PIP5K1B: variants seen among roughly 807,000 people sequenced by gnomAD.
PIP5K1B encodes phosphatidylinositol-4-phosphate 5-kinase type 1 beta, also known as phosphatidylinositol 4-phosphate 5-kinase type-1 beta.
In PIP5K1B, 42 loss-of-function variants were observed where a neutral mutation model predicts 67.0. The ratio of observed to expected loss-of-function variants is 0.63; its 90% CI spans 0.49 to 0.81. The LOEUF (loss-of-function observed/expected upper bound fraction) is 0.81. Ranked by LOEUF, PIP5K1B falls within the 30% of genes least tolerant of loss-of-function variation. PIP5K1B has a pLI of 0.00. For missense variants in PIP5K1B, 459 were observed against 646.3 expected (o/e 0.71, Z 3.14); for synonymous variants, 214 against 231.4 (o/e 0.92, Z 0.68).
intron 14 of PIP5K1B, among the ~76,000 whole-genome samples, chr9:68,979,577 G>A (rs1182150647): frequency 1.8e-5 from 2 of 112,656 alleles, no homozygotes; most frequent in Non-Finnish European, 3.9e-5. Flanking sequence ...AGGGAGAGGA[G>A]GCCCTCTTCT....
intron 4 of PIP5K1B, among the ~76,000 whole-genome samples, chr9:68,860,100 G>A (rs1362926586): frequency 6.6e-6 from 1 of 152,020 alleles, no homozygotes; most frequent in East Asian, 1.9e-4. Context: ...TACGATCATT[G>A]TTATTAATGT....
At chr9:69,006,352 G>A (rs1375186018) in intron 15 of PIP5K1B, among the ~76,000 whole-genome samples, 1 of 152,072 alleles carries the variant, frequency 6.6e-6, no homozygotes. Flanking sequence ...CATGTGCTGG[G>A]GGAGGACATA....
intron 12 of PIP5K1B, among the ~76,000 whole-genome samples, chr9:68,934,433 T>G (rs1317421947): frequency 6.6e-6 from 1 of 152,184 alleles, no homozygotes; most frequent in Admixed American, 6.5e-5. Context: ...GATTAAACAT[T>G]GGCATGTTTA....
At chr9:68,894,693 T>C in intron 8 of PIP5K1B, 55 bp downstream of exon 8, 5 of 1,487,918 alleles carry the variant, frequency 3.4e-6, no homozygotes, top group Non-Finnish European at 4.6e-6. Context: ...ATGTAAACTG[T>C]GGCTGCCACT....
intron 2 of PIP5K1B, chr9:68,783,099 A>G (rs1013090832): frequency 1.8e-4 from 30 of 166,884 alleles, no homozygotes; most frequent in African/African-American, 7.2e-4. Context: ...CTCTTGAGTA[A>G]TCTTTCTGAA....
intron 14 of PIP5K1B, among the ~76,000 whole-genome samples, chr9:68,961,339 G>A (rs915676501): frequency 3.9e-5 from 6 of 152,150 alleles, no homozygotes; most frequent in South Asian, 2.1e-4. Flanking sequence ...TTTTCTTCTC[G>A]AGGTGATGAA....
intron 2 of PIP5K1B, among the ~76,000 whole-genome samples, chr9:68,818,231 G>A (rs754688009): frequency 7.9e-5 from 12 of 152,204 alleles, no homozygotes; most frequent in African/African-American, 1.4e-4. Flanking sequence ...GTTGTAGACT[G>A]TAAAGTTTAT....
rs770609082 is a variant in PIP5K1B, at chr9:68,991,236, T to G, written c.1599T>G (p.Ala533=). Residue 533 remains alanine, a synonymous_variant, in exon 15 of 16, where the codon GCT becomes GCG. Transcript: ENST00000265382. The part of the protein sequence containing the change: ...PNTLEVQDDN[A]SVLDVYL ...CTCTGGAAGTGCAGGATGACAATGC[T>G]TCTGTGCTTGACGTCTATTTAGTAA... 5 of 1,602,054 alleles carry G rather than the reference T, an allele frequency of 3.1e-6. No individual in the cohort carries two copies. Among genetic ancestry groups the G allele is most frequent in the Non-Finnish European group, 4.3e-6 (5 of 1,169,038 alleles).
chr9:68,969,492 A>G (rs1449156616), intron 14 of PIP5K1B, among the ~76,000 whole-genome samples: 2 of 152,114 alleles, frequency 1.3e-5, no homozygotes, highest in Non-Finnish European at 2.9e-5. Context: ...TCGCAGGCAC[A>G]GTATGCTTGG....
rs1022194202 is a variant in PIP5K1B, at chr9:68,947,112, G to A, written c.1502+6322G>A. On this transcript the variant is annotated intron_variant, in intron 14 of 15. Transcript: ENST00000265382. ...GTTTTTGACAAAAAGCCATCATGGA[G>A]TGCTTTGTTAGAGTCCTTTCAGGAA... is the stretch of plus-strand genomic sequence containing the variant. Among the ~76,000 whole-genome samples, 3 of 152,240 alleles carry A rather than the reference G, an allele frequency of 2.0e-5. No homozygotes were observed. The East Asian group carries it at 5.8e-4, about 29-fold the overall frequency.
intron 14 of PIP5K1B, among the ~76,000 whole-genome samples, chr9:68,982,281 C>T (rs1389828115): frequency 6.6e-6 from 1 of 152,070 alleles, no homozygotes; most frequent in Non-Finnish European, 1.5e-5. Context: ...AAAACAGAAC[C>T]TAGGAAACTC....
intron 1 of PIP5K1B, among the ~76,000 whole-genome samples, chr9:68,724,234 T>G (rs542510707): frequency 0.015 from 1,243 of 81,916 alleles, 19 homozygotes; most frequent in African/African-American, 0.083. Flanking sequence ...GTGTTTTTTT[T>G]GGGTTTTTTT....
chr9:68,724,670 G>T (rs1249795185), intron 1 of PIP5K1B, among the ~76,000 whole-genome samples: 1 of 150,548 alleles, frequency 6.6e-6, no homozygotes, highest in African/African-American at 2.4e-5. Flanking sequence ...TTATTACTAG[G>T]TTTTTTTTTG....
At chr9:68,856,064 C>CT (rs1312456238) in intron 4 of PIP5K1B, among the ~76,000 whole-genome samples, 2 of 152,160 alleles carry the variant, frequency 1.3e-5, no homozygotes, top group African/African-American at 4.8e-5. Context: ...TCCTGCTACG[C>CT]TAAGTAGCAG....
intron 1 of PIP5K1B, among the ~76,000 whole-genome samples, chr9:68,719,554 G>T (rs1483900940): frequency 6.6e-6 from 1 of 152,192 alleles, no homozygotes; most frequent in African/African-American, 2.4e-5. Context: ...TGTCATTGCT[G>T]TGGCAAGCTG....
chr9:68,985,018 T>TG (rs1235547008), intron 14 of PIP5K1B, among the ~76,000 whole-genome samples: 6 of 152,178 alleles, frequency 3.9e-5, no homozygotes, highest in African/African-American at 1.4e-4. Flanking sequence ...GGCAGACACA[T>TG]GGGGAGGGAT....
chr9:68,731,046 C>T (rs1828401573), intron 1 of PIP5K1B, among the ~76,000 whole-genome samples: 1 of 152,234 alleles, frequency 6.6e-6, no homozygotes, highest in Non-Finnish European at 1.5e-5. Context: ...ATAATCTTCA[C>T]TGTCAAGGAA....
chr9:68,826,394 G>A (rs1246976027), intron 4 of PIP5K1B, among the ~76,000 whole-genome samples: 1 of 152,162 alleles, frequency 6.6e-6, no homozygotes, highest in Non-Finnish European at 1.5e-5. Flanking sequence ...GCTCGCCCAG[G>A]GTTGCCAGAT....
intron 11 of PIP5K1B, among the ~76,000 whole-genome samples, chr9:68,921,895 TTTTC>T (rs1826425230): frequency 1.3e-5 from 2 of 152,150 alleles, no homozygotes; most frequent in African/African-American, 4.8e-5. Flanking sequence ...TATCATCTGC[TTTTC>T]TTTTCTTTTT....
Sources: gnomAD v4.1 joint callset for allele counts (sites outside exome capture counted in the v4.1 genomes callset) on GRCh38, gnomAD v4.1.1 for gene constraint, MANE v1.5 for transcripts, NCBI Gene and HGNC (gene_info 2026-07-23, HGNC 2026-07-21) for gene names.